IMMP2L: variants seen among roughly 807,000 people sequenced by gnomAD.
IMMP2L encodes the protein mitochondrial inner membrane protease subunit 2.
IMMP2L carries 18 observed loss-of-function variants against 19.3 expected under a neutral mutation model. The ratio of observed to expected loss-of-function variants is 0.93; its 90% CI spans 0.64 to 1.38. The LOEUF (loss-of-function observed/expected upper bound fraction) is 1.38. IMMP2L is among the 40% of genes most tolerant of loss of function. The pLI is 0.00. For synonymous variants in IMMP2L, 76 were observed against 73.0 expected (o/e 1.04, Z -0.21); for missense variants, 233 against 218.2 (o/e 1.07, Z -0.43).
At chr7:111,128,370 CAAAATGATAA>C (rs1801519854) in intron 3 of IMMP2L, among the ~76,000 whole-genome samples, 1 of 152,128 alleles carries the variant, frequency 6.6e-6, no homozygotes, top group Non-Finnish European at 1.5e-5. Flanking sequence ...CATACTTTCA[CAAAATGATAA>C]TGCTCAGAAA....
chr7:111,256,625 T>G (rs1040276115), intron 3 of IMMP2L, among the ~76,000 whole-genome samples: 1 of 152,058 alleles, frequency 6.6e-6, no homozygotes, highest in South Asian at 2.1e-4. Flanking sequence ...CCATTGTTCA[T>G]AGAGGACCAT....
chr7:111,031,383 T>TGTGC (rs1050204081), intron 3 of IMMP2L, among the ~76,000 whole-genome samples: 20 of 68,280 alleles, frequency 2.9e-4, no homozygotes, highest in Non-Finnish European at 5.9e-4. Flanking sequence ...GGTGTAGGGG[T>TGTGC]GTGTGTGTGT....
chr7:110,891,249 A>G (rs1810765178), intron 4 of IMMP2L, among the ~76,000 whole-genome samples: 1 of 152,024 alleles, frequency 6.6e-6, no homozygotes, highest in Non-Finnish European at 1.5e-5. Flanking sequence ...AAAAAAAAAA[A>G]AAAAATCCAC....
chr7:111,297,291 AT>A (rs2129870105), intron 3 of IMMP2L, among the ~76,000 whole-genome samples: 1 of 152,236 alleles, frequency 6.6e-6, no homozygotes, highest in South Asian at 2.1e-4. Flanking sequence ...CAGTTCTAAA[AT>A]TACACAAGAT....
At chr7:111,283,736 C>A (rs1037896972) in intron 3 of IMMP2L, among the ~76,000 whole-genome samples, 33 of 151,918 alleles carry the variant, frequency 2.2e-4, no homozygotes, top group African/African-American at 8.0e-4. Context: ...CTTTGGGAGG[C>A]CGAGGCGGGC....
At chr7:111,423,511 T>C (rs1000103993) in intron 3 of IMMP2L, among the ~76,000 whole-genome samples, 7 of 151,904 alleles carry the variant, frequency 4.6e-5, no homozygotes, top group African/African-American at 1.7e-4. Context: ...GTAAAGGTGT[T>C]TATAGTATTC....
intron 5 of IMMP2L, among the ~76,000 whole-genome samples, chr7:110,842,896 T>A (rs1230135544): frequency 6.6e-6 from 1 of 152,098 alleles, no homozygotes; most frequent in Non-Finnish European, 1.5e-5. Context: ...AGTCTTGAAA[T>A]CTGAAAATTA....
At chr7:111,038,448 T>C (rs1243450584) in intron 3 of IMMP2L, among the ~76,000 whole-genome samples, 1 of 152,116 alleles carries the variant, frequency 6.6e-6, no homozygotes, top group African/African-American at 2.4e-5. Context: ...TTTTCAAACC[T>C]GCTAAAGCCA....
At chr7:111,535,407 C>T (rs565265201) in intron 1 of IMMP2L, among the ~76,000 whole-genome samples, 6 of 152,016 alleles carry the variant, frequency 3.9e-5, no homozygotes, top group Non-Finnish European at 5.9e-5. Context: ...GAGTGTCTAA[C>T]GAAAGATATT....
chr7:110,817,805 G>A (rs996809534), intron 5 of IMMP2L, among the ~76,000 whole-genome samples: 14 of 152,088 alleles, frequency 9.2e-5, no homozygotes, highest in Middle Eastern at 3.4e-3. Flanking sequence ...CAGAAATAAC[G>A]CCGCATATCT....
At chr7:111,251,336 A>T (rs1242111274) in intron 3 of IMMP2L, among the ~76,000 whole-genome samples, 1 of 152,184 alleles carries the variant, frequency 6.6e-6, no homozygotes, top group African/African-American at 2.4e-5. Flanking sequence ...ATAGTGTGGC[A>T]ATTCCTCAAA....
intron 4 of IMMP2L, among the ~76,000 whole-genome samples, chr7:110,949,972 A>C (rs1364455778): frequency 3.9e-5 from 6 of 152,174 alleles, no homozygotes; most frequent in Admixed American, 6.6e-5. Context: ...AATCCCCTGA[A>C]TAATGAGGGA....
At chr7:111,016,532 T>C (rs1266588337) in intron 3 of IMMP2L, among the ~76,000 whole-genome samples, 1 of 121,438 alleles carries the variant, frequency 8.2e-6, no homozygotes, top group African/African-American at 3.2e-5. Context: ...TATGTATATA[T>C]TATATATTAT....
chr7:111,100,716 G>T (rs893376744), intron 3 of IMMP2L, among the ~76,000 whole-genome samples: 2 of 151,068 alleles, frequency 1.3e-5, no homozygotes, highest in Non-Finnish European at 3.0e-5. Flanking sequence ...TTTTGTTTTT[G>T]TAATTTTAGA....
In IMMP2L at chr7:110,969,231, T is replaced by C. The variant is rs78670562; in HGVS notation, c.240-5666A>G. Among the ~76,000 whole-genome samples, 669 of 152,248 alleles carry C rather than the reference T, an allele frequency of 4.4e-3. 5 individuals are homozygous for C. Among genetic ancestry groups the C allele is most frequent in the African/African-American group, 0.016 (645 of 41,574 alleles). ...CTATCAGTAGTGTGAACTTTGTACA[T>C]ACTGCCTCATTTTTAATGATTCATT... On this transcript the variant is annotated intron_variant, in intron 3 of 5. Coordinates refer to ENST00000405709, the MANE Select transcript of IMMP2L (RefSeq NM_032549.4).
intron 5 of IMMP2L, among the ~76,000 whole-genome samples, chr7:110,722,228 A>G (rs547354452): frequency 6.6e-6 from 1 of 152,246 alleles, no homozygotes; most frequent in African/African-American, 2.4e-5. Flanking sequence ...AATGGGATGT[A>G]ATAATAACAA....
intron 3 of IMMP2L, among the ~76,000 whole-genome samples, chr7:111,051,329 T>C (rs911112356): frequency 2.0e-5 from 3 of 152,164 alleles, no homozygotes; most frequent in African/African-American, 7.2e-5. Flanking sequence ...CACTGAATAT[T>C]TTCCCTGGGG....
At chr7:111,032,230 C>T (rs568913651) in intron 3 of IMMP2L, among the ~76,000 whole-genome samples, 7 of 152,050 alleles carry the variant, frequency 4.6e-5, no homozygotes, top group Admixed American at 2.6e-4. Flanking sequence ...CATGAGCCAC[C>T]GCATCTGACC....
intron 5 of IMMP2L, among the ~76,000 whole-genome samples, chr7:110,668,878 T>C (rs927106316): frequency 3.3e-5 from 5 of 152,120 alleles, no homozygotes; most frequent in South Asian, 4.2e-4. Context: ...GATATGTCTA[T>C]AGGCAGGCAA....
Sources: gnomAD v4.1 joint callset for allele counts (sites outside exome capture counted in the v4.1 genomes callset) on GRCh38, gnomAD v4.1.1 for gene constraint, MANE v1.5 for transcripts, NCBI Gene and HGNC (gene_info 2026-07-23, HGNC 2026-07-21) for gene names.